DLG2: variants seen among roughly 807,000 people sequenced by gnomAD.
The protein encoded by DLG2 is discs large MAGUK scaffold protein 2, also known as disks large homolog 2.
In DLG2, 45 loss-of-function variants were observed where a neutral mutation model predicts 132.5. That is an observed-to-expected ratio of 0.34 (90% CI 0.27 to 0.44). The LOEUF is 0.44. Among genes scored for constraint, DLG2 ranks in the 20% least tolerant of loss-of-function variants. The pLI is 1.00. For synonymous variants in DLG2, 424 were observed against 419.6 expected, an observed-to-expected ratio of 1.01 and a Z score of -0.13; for missense variants, 1,045 against 1,196.9, an observed-to-expected ratio of 0.87 and a Z score of 1.87.
At chr11:84,004,166 C>T (rs190855044) in intron 11 of DLG2, among the ~76,000 whole-genome samples, 4 of 152,122 alleles carry the variant, frequency 2.6e-5, no homozygotes, top group Admixed American at 2.6e-4. Flanking sequence ...TCCTGACGAA[C>T]ACATCTTCAA....
At chr11:83,991,951 A>G (rs1205011660) in intron 11 of DLG2, among the ~76,000 whole-genome samples, 4 of 152,168 alleles carry the variant, frequency 2.6e-5, no homozygotes, top group African/African-American at 9.7e-5. Context: ...CCCTTATAAG[A>G]AGAGGAAATT....
At chr11:83,578,892 T>C (rs757215007) in intron 19 of DLG2, among the ~76,000 whole-genome samples, 1 of 152,224 alleles carries the variant, frequency 6.6e-6, no homozygotes, top group Non-Finnish European at 1.5e-5. Context: ...AGGATTCAAG[T>C]CATACAAAGA....
chr11:84,429,804 C>G (rs189047191), intron 7 of DLG2, among the ~76,000 whole-genome samples: 28 of 151,980 alleles, frequency 1.8e-4, no homozygotes, highest in Non-Finnish European at 3.8e-4. Flanking sequence ...CATTTTCCAA[C>G]GTAATATCAC....
chr11:84,179,747 T>C (rs560165044), intron 8 of DLG2, among the ~76,000 whole-genome samples: 59 of 152,230 alleles, frequency 3.9e-4, no homozygotes, highest in African/African-American at 1.3e-3. Flanking sequence ...TGTCGGGGTT[T>C]TACCAGGGCC....
chr11:84,979,312 T>C (rs1033888381), intron 6 of DLG2, among the ~76,000 whole-genome samples: 4 of 152,298 alleles, frequency 2.6e-5, no homozygotes, highest in South Asian at 2.1e-4. Flanking sequence ...ACTGGGTATA[T>C]ACCCAAAGGA....
intron 6 of DLG2, among the ~76,000 whole-genome samples, chr11:84,565,656 T>C (rs2099450837): frequency 6.6e-6 from 1 of 152,144 alleles, no homozygotes; most frequent in South Asian, 2.1e-4. Flanking sequence ...CAGGCTTTGA[T>C]GCTCTACCTC....
chr11:85,020,898 T>A, intron 6 of DLG2: 1 of 766,776 alleles, frequency 1.3e-6, no homozygotes, highest in Non-Finnish European at 2.4e-6. Context: ...GTCATGTGCA[T>A]CCCCCTCCTC....
intron 5 of DLG2, among the ~76,000 whole-genome samples, chr11:85,139,982 GC>G: frequency 6.6e-6 from 1 of 151,912 alleles, no homozygotes; most frequent in Non-Finnish European, 1.5e-5. Flanking sequence ...CCATGTCATG[GC>G]AAGTGGAAAG....
chr11:83,797,747 T>C lies in DLG2; in HGVS notation c.1723-10955A>G, dbSNP rs1488876898. 2.0e-5 allele frequency among the ~76,000 whole-genome samples: 3 copies of C among 152,100 alleles called. No homozygotes were observed. The East Asian group carries it at 5.8e-4, about 29-fold the overall frequency. ...ATTAGCCAGGATGGTCTCGATCTCC[T>C]GACCTTGTGATCCGCCCGCCTCGGC... On this transcript the variant is annotated intron_variant, in intron 17 of 27. Coordinates refer to ENST00000376104, the MANE Select transcript of DLG2 (RefSeq NM_001142699.3).
intron 3 of DLG2, among the ~76,000 whole-genome samples, chr11:85,415,218 C>T (rs1002904588): frequency 2.0e-5 from 3 of 152,174 alleles, no homozygotes; most frequent in African/African-American, 7.2e-5. Flanking sequence ...CATAGTATTC[C>T]ATGGCATATA....
intron 11 of DLG2, among the ~76,000 whole-genome samples, chr11:84,028,256 T>C (rs2095595996): frequency 6.6e-6 from 1 of 152,124 alleles, no homozygotes; most frequent in Admixed American, 6.6e-5. Flanking sequence ...GAGTCATGAT[T>C]TGTGTGTATT....
chr11:85,236,933 T>A (rs1035512814), intron 4 of DLG2, among the ~76,000 whole-genome samples: 3 of 151,978 alleles, frequency 2.0e-5, no homozygotes, highest in African/African-American at 7.2e-5. Flanking sequence ...CCACCCTTTC[T>A]CCCCAAAGTT....
At chr11:83,713,665 A>G (rs2086008525) in intron 18 of DLG2, among the ~76,000 whole-genome samples, 1 of 152,214 alleles carries the variant, frequency 6.6e-6, no homozygotes, top group African/African-American at 2.4e-5. Context: ...TTTATTGTAG[A>G]TTTTAATATG....
intron 3 of DLG2, among the ~76,000 whole-genome samples, chr11:85,511,823 A>G (rs139987712): frequency 8.2e-4 from 124 of 151,400 alleles, no homozygotes; most frequent in African/African-American, 2.8e-3. Flanking sequence ...GGCTTAAGTG[A>G]TCCTCCAGCC....
At chr11:85,235,334 A>G (rs1333835643) in intron 4 of DLG2, among the ~76,000 whole-genome samples, 2 of 151,952 alleles carry the variant, frequency 1.3e-5, no homozygotes, top group Admixed American at 6.6e-5. Context: ...TTATATTGGG[A>G]TATTGTATGC....
At chr11:85,445,613 GA>G (rs1375428942) in intron 3 of DLG2, among the ~76,000 whole-genome samples, 1 of 152,188 alleles carries the variant, frequency 6.6e-6, no homozygotes, top group East Asian at 1.9e-4. Context: ...CTGGGAGGTG[GA>G]GGTTGCAGTG....
chr11:84,899,953 T>C (rs73518917), intron 6 of DLG2, among the ~76,000 whole-genome samples: 1 of 152,014 alleles, frequency 6.6e-6, no homozygotes, highest in Non-Finnish European at 1.5e-5. Flanking sequence ...AGTACCTTAG[T>C]GGCCTGAAAG....
intron 11 of DLG2, among the ~76,000 whole-genome samples, chr11:84,058,545 C>T (rs2096542066): frequency 1.0e-5 from 1 of 99,150 alleles, no homozygotes; most frequent in South Asian, 3.4e-4. Flanking sequence ...ATAATAACCA[C>T]ATGCACTAGT....
At chr11:85,332,320 C>A (rs747583298) in intron 3 of DLG2, among the ~76,000 whole-genome samples, 2 of 152,006 alleles carry the variant, frequency 1.3e-5, no homozygotes, top group Non-Finnish European at 2.9e-5. Flanking sequence ...TTGTCTGTTT[C>A]TTGCTTGTTG....
Sources: gnomAD v4.1 joint callset for allele counts (sites outside exome capture counted in the v4.1 genomes callset) on GRCh38, gnomAD v4.1.1 for gene constraint, MANE v1.5 for transcripts, NCBI Gene and HGNC (gene_info 2026-07-23, HGNC 2026-07-21) for gene names.